Variants in PITPNA observed in about 807,000 individuals in gnomAD.
PITPNA encodes phosphatidylinositol transfer protein alpha isoform.
A neutral mutation model predicts 50.3 loss-of-function variants in PITPNA; 13 were observed. The observed-to-expected ratio is 0.26, with a 90% CI of 0.17 to 0.41. The LOEUF (loss-of-function observed/expected upper bound fraction) is 0.41, where lower values mean the gene tolerates loss of function less well. PITPNA is among the 10% of genes least tolerant of loss of function. PITPNA has a pLI of 1.00. For missense variants in PITPNA, 207 were observed against 333.4 expected (o/e 0.62, Z 2.95); for synonymous variants, 120 against 119.6 (o/e 1.00, Z -0.02).
chr17:1,556,316 A>G (rs1276318497), intron 2 of PITPNA, among the ~76,000 whole-genome samples: 6 of 152,076 alleles, frequency 3.9e-5, no homozygotes, highest in Non-Finnish European at 7.4e-5. Flanking sequence ...CTCACTTCCC[A>G]AGCTTCTGCT....
chr17:1,543,216 TCAGA>T (rs2075656679), intron 4 of PITPNA, among the ~76,000 whole-genome samples, 189 bp from the exon 5 acceptor site: 1 of 151,864 alleles, frequency 6.6e-6, no homozygotes, highest in African/African-American at 2.4e-5. Context: ...CAAATTTCAC[TCAGA>T]CAAACATCCC....
At chr17:1,542,962 T>C in intron 5 of PITPNA, 58 bp downstream of exon 5, 1 of 1,397,868 alleles carries the variant, frequency 7.2e-7, no homozygotes, top group Admixed American at 1.8e-5. Context: ...CAGTTACATT[T>C]TTCTCTCTCC....
intron 2 of PITPNA, among the ~76,000 whole-genome samples, chr17:1,556,719 T>C (rs1352123234): frequency 6.6e-6 from 1 of 152,140 alleles, no homozygotes; most frequent in Non-Finnish European, 1.5e-5. Flanking sequence ...ACTGGACACC[T>C]CCCCAAGAGC....
intron 2 of PITPNA, among the ~76,000 whole-genome samples, chr17:1,555,897 T>C (rs1193520531): frequency 6.6e-6 from 1 of 152,250 alleles, no homozygotes; most frequent in East Asian, 1.9e-4. Flanking sequence ...CCAAAGGCTC[T>C]GGCCACCCAG....
At chr17:1,558,683 A>C (rs2075751927) in intron 1 of PITPNA, 124 bp from the exon 2 acceptor site, 1 of 711,234 alleles carries the variant, frequency 1.4e-6, no homozygotes, top group African/African-American at 1.8e-5. Context: ...CAGTGACGAA[A>C]ACCCCACAGA....
In PITPNA at chr17:1,528,716, C is replaced by T. The variant is rs2075561996; in HGVS notation, c.768+5383G>A. ...CACAGCACTGCACTCTAGCCTAGGC[C>T]ACAGAGCGAGACTGTCTCTCTTAAA... On this transcript the variant is annotated intron_variant, in intron 10 of 11. Transcript: ENST00000313486. 4.0e-5 allele frequency among the ~76,000 whole-genome samples: 6 copies of T among 150,946 alleles called. No homozygotes were observed. In the South Asian group the frequency reaches 1.3e-3, roughly 32 times the overall value.
intron 2 of PITPNA, among the ~76,000 whole-genome samples, chr17:1,555,526 T>C (rs759089663): frequency 2.0e-5 from 3 of 152,192 alleles, no homozygotes; most frequent in Non-Finnish European, 2.9e-5. Flanking sequence ...ACTGGGAATC[T>C]AGCCTCCTCA....
chr17:1,523,879 G>A (rs1019508856), intron 10 of PITPNA, among the ~76,000 whole-genome samples: 4 of 151,282 alleles, frequency 2.6e-5, no homozygotes, highest in Non-Finnish European at 2.9e-5. Flanking sequence ...GGCTAGTCTC[G>A]AACCCCTGGA....
At chr17:1,556,025 C>T (rs1278011352) in intron 2 of PITPNA, among the ~76,000 whole-genome samples, 1 of 152,242 alleles carries the variant, frequency 6.6e-6, no homozygotes, top group Admixed American at 6.5e-5. Flanking sequence ...GGCCTCAAGT[C>T]ATGGCCTCCA....
At chr17:1,538,173 A>G (rs2075629153) in intron 7 of PITPNA, among the ~76,000 whole-genome samples, 1 of 152,220 alleles carries the variant, frequency 6.6e-6, no homozygotes, top group African/African-American at 2.4e-5. Context: ...GCAAACACAC[A>G]TTCCCTATCA....
In PITPNA at chr17:1,517,904, G is replaced by A. The variant is rs2075475023; in HGVS notation, c.*2657C>T. The A allele has an allele frequency of 6.6e-6, 1 of 152,526 alleles. No homozygotes were observed. The highest frequency in any genetic ancestry group is 2.1e-4 in the South Asian group (1 of 4,830). 9.4% of individuals were successfully genotyped at this position (152,526 alleles called of 1,614,324 possible). ...CACCTTTGTACCTCTTCCTAATCCT[G>A]CCCTGGTAAAATGGCGGTTATCAGT... On this transcript the variant is annotated 3_prime_UTR_variant, in exon 12 of 12. Transcript: ENST00000313486.
rs2075750610 is a variant in PITPNA, at chr17:1,558,514, A to G, written c.51+15T>C. Reference sequence around the variant, plus strand: ...AGTTACACACAACTATGGACCAGAAAGTAAAAGGACTTACCTCATCTACAG... The same window carrying G: ...AGTTACACACAACTATGGACCAGAAGGTAAAAGGACTTACCTCATCTACAG... On this transcript the variant is annotated intron_variant, in intron 2 of 11. Coordinates refer to ENST00000313486, the MANE Select transcript of PITPNA (RefSeq NM_006224.4). 6.3e-7 allele frequency: 1 copy of G among 1,577,630 alleles called. No homozygotes were observed. Among genetic ancestry groups the G allele is most frequent in the Non-Finnish European group, 8.7e-7 (1 of 1,147,838 alleles).
At chr17:1,549,501 A>T (rs1333754488) in intron 3 of PITPNA, among the ~76,000 whole-genome samples, 1 of 147,068 alleles carries the variant, frequency 6.8e-6, no homozygotes, top group Non-Finnish European at 1.5e-5. Context: ...TATTTTTAGT[A>T]AAGACAGGGT....
chr17:1,561,755 G>A (rs953768779), intron 1 of PITPNA, among the ~76,000 whole-genome samples: 2 of 151,986 alleles, frequency 1.3e-5, no homozygotes, highest in Non-Finnish European at 2.9e-5. Context: ...CCCTTCACCT[G>A]TCTCCCCAGC....
intron 10 of PITPNA, among the ~76,000 whole-genome samples, chr17:1,522,302 A>AC (rs2075519715): frequency 6.7e-6 from 1 of 148,514 alleles, no homozygotes; most frequent in Non-Finnish European, 1.5e-5. Context: ...CGATCTCCTG[A>AC]CCTCATGATC....
intron 7 of PITPNA, among the ~76,000 whole-genome samples, chr17:1,537,404 G>A (rs2075624607): frequency 6.6e-6 from 1 of 152,124 alleles, no homozygotes; most frequent in Admixed American, 6.6e-5. Flanking sequence ...TCACCATGTT[G>A]GCCAAGCTGG....
chr17:1,535,877 A>G (rs572340078), intron 7 of PITPNA: 1 of 251,268 alleles, frequency 4.0e-6, no homozygotes, highest in Admixed American at 5.1e-5. Context: ...CACTCCAACT[A>G]AAACCCAGTG....
intron 9 of PITPNA, 128 bp downstream of exon 9, chr17:1,535,054 C>A (rs1241567862): frequency 1.1e-5 from 7 of 646,648 alleles, no homozygotes; most frequent in African/African-American, 1.8e-5. Flanking sequence ...CCACCACCCC[C>A]CACCGCACAC....
In PITPNA at chr17:1,562,555, C is replaced by T; in HGVS notation, c.6G>A (p.Val2=). The change falls in exon 1 of 12, where the codon GTG becomes GTA. Residue 2 remains valine (V), a synonymous_variant. Coordinates refer to ENST00000313486, the MANE Select transcript of PITPNA (RefSeq NM_006224.4). The surrounding 1 kb of genome is among the most constrained non-coding windows in gnomAD (Gnocchi z 6.4). ...CGGACACTCACTACTCCTTGAGCAG[C>T]ACCATGTCGCTTCGCGGCTCGGTGG... The part of the protein sequence containing the change: M[V]LLKEYRVILP... The T allele has an allele frequency of 1.5e-6, 2 of 1,368,462 alleles. No homozygotes were observed. The highest frequency in any genetic ancestry group is 1.9e-6 in the Non-Finnish European group (2 of 1,050,892). The allele number at this position is 1,368,462 out of a possible 1,614,324, so 84.8% of individuals were successfully genotyped here.
Sources: allele counts gnomAD v4.1 joint callset (sites outside exome capture counted in the v4.1 genomes callset), GRCh38; gene constraint gnomAD v4.1.1; non-coding constraint Gnocchi (gnomAD v3.1); transcripts MANE v1.5; gene names NCBI Gene and HGNC (gene_info 2026-07-23, HGNC 2026-07-21).